The following IPO11 variants were observed in gnomAD, a reference collection of about 807,000 sequenced individuals.
The protein encoded by IPO11 is importin 11.
IPO11 carries 66 observed loss-of-function variants against 143.2 expected under a neutral mutation model. The observed-to-expected ratio is 0.46, with a 90% CI of 0.38 to 0.57. The LOEUF is 0.57. Ranked by LOEUF, IPO11 falls within the 20% of genes least tolerant of loss-of-function variation. The pLI, the probability that IPO11 is intolerant of heterozygous loss-of-function variation, is 0.00. For synonymous variants in IPO11, 385 were observed against 377.8 expected, an observed-to-expected ratio of 1.02 and a Z score of -0.22; for missense variants, 1,026 against 1,141.0, an observed-to-expected ratio of 0.90 and a Z score of 1.45.
chr5:62,595,483 G>GAACAGGCATTTTAAAATTTA (rs1217501313), intron 28 of IPO11, among the ~76,000 whole-genome samples: 39 of 152,114 alleles, frequency 2.6e-4, no homozygotes, highest in Admixed American at 5.2e-4. Flanking sequence ...ATAACATATT[G>GAACAGGCATTTTAAAATTTA]AACAGGCATT....
At chr5:62,476,446 A>G (rs944655352) in intron 8 of IPO11, among the ~76,000 whole-genome samples, 8 of 152,178 alleles carry the variant, frequency 5.3e-5, no homozygotes, top group African/African-American at 1.9e-4. Flanking sequence ...TAAAACGACT[A>G]TTCTTTTACT....
intron 27 of IPO11, among the ~76,000 whole-genome samples, chr5:62,583,522 AT>A (rs1304196200): frequency 1.3e-5 from 2 of 152,172 alleles, no homozygotes; most frequent in African/African-American, 4.8e-5. Context: ...ATTAATATCA[AT>A]TTATATATGG....
intron 3 of IPO11, among the ~76,000 whole-genome samples, chr5:62,446,691 A>C (rs1362206277): frequency 6.6e-6 from 1 of 152,188 alleles, no homozygotes; most frequent in Non-Finnish European, 1.5e-5. Context: ...CTCCTAGGCC[A>C]GGTGCAGTGG....
intron 22 of IPO11, among the ~76,000 whole-genome samples, chr5:62,534,547 C>T (rs1022084061): frequency 6.6e-6 from 1 of 152,148 alleles, no homozygotes; most frequent in African/African-American, 2.4e-5. Context: ...CATATATGCA[C>T]AGTGCATAAC....
chr5:62,560,854 T>C (rs1580325836), intron 26 of IPO11: 1 of 207,656 alleles, frequency 4.8e-6, no homozygotes. Context: ...TGTACCAGAT[T>C]GGCAGTGATT....
At chr5:62,537,410 T>C in intron 24 of IPO11, 121 bp downstream of exon 24, 1 of 644,526 alleles carries the variant, frequency 1.6e-6, no homozygotes, top group Non-Finnish European at 2.7e-6. Context: ...AGACAGGCTA[T>C]TTTGGCAGTT....
intron 19 of IPO11, among the ~76,000 whole-genome samples, chr5:62,508,173 C>G (rs566338029): frequency 6.5e-4 from 99 of 152,292 alleles, no homozygotes; most frequent in African/African-American, 2.3e-3. Context: ...CCCCCCCGGG[C>G]TGGAGTGCAG....
chr5:62,488,447 C>G (rs547086030), intron 13 of IPO11, among the ~76,000 whole-genome samples: 121 of 152,190 alleles, frequency 8.0e-4, no homozygotes, highest in Admixed American at 1.8e-3. Flanking sequence ...TTTTAGCAAC[C>G]GATTGAATGT....
intron 9 of IPO11, among the ~76,000 whole-genome samples, chr5:62,482,280 G>A (rs778396536): frequency 6.6e-5 from 10 of 151,954 alleles, no homozygotes; most frequent in Non-Finnish European, 1.0e-4. Flanking sequence ...TTGTGTCTCT[G>A]TCTCCTTCAG....
chr5:62,589,524 G>A (rs1281869730), intron 27 of IPO11, among the ~76,000 whole-genome samples: 3 of 152,128 alleles, frequency 2.0e-5, no homozygotes, highest in African/African-American at 7.2e-5. Context: ...GCCAAATCCT[G>A]TGATGCTTAC....
chr5:62,563,680 T>C (rs1234986194), intron 27 of IPO11, among the ~76,000 whole-genome samples: 2 of 152,176 alleles, frequency 1.3e-5, no homozygotes, highest in South Asian at 2.1e-4. Flanking sequence ...ATACACCTCA[T>C]ATAGTCTGAA....
intron 20 of IPO11, among the ~76,000 whole-genome samples, chr5:62,521,213 A>ATTC (rs1392751805): frequency 1.3e-5 from 2 of 152,170 alleles, no homozygotes; most frequent in African/African-American, 4.8e-5. Context: ...CTTGTTTTAC[A>ATTC]TTCTTTTTCT....
At chr5:62,597,969 G>A (rs747976542) in intron 28 of IPO11, among the ~76,000 whole-genome samples, 3 of 152,098 alleles carry the variant, frequency 2.0e-5, no homozygotes, top group Admixed American at 6.5e-5. Flanking sequence ...TCATCTGCAG[G>A]CTACCATTCC....
chr5:62,581,676 C>T (rs1055458178), intron 27 of IPO11, among the ~76,000 whole-genome samples: 1 of 152,102 alleles, frequency 6.6e-6, no homozygotes, highest in Admixed American at 6.6e-5. Flanking sequence ...TTGGGCCTCT[C>T]TGACTAGAGT....
At chr5:62,535,830 A>G (rs1417794372) in intron 22 of IPO11, among the ~76,000 whole-genome samples, 2 of 152,168 alleles carry the variant, frequency 1.3e-5, no homozygotes, top group East Asian at 3.8e-4. Flanking sequence ...AGTGAATATA[A>G]TTTCTAAAAT....
In IPO11 at chr5:62,483,131, T is replaced by C; in HGVS notation, c.859T>C (p.Ser287Pro). 1 of 1,604,672 alleles carries C rather than the reference T, an allele frequency of 6.2e-7. No individual in the cohort carries two copies. The highest frequency in any genetic ancestry group is 8.5e-7 in the Non-Finnish European group (1 of 1,175,588). The change falls in exon 10 of 30, where the codon TCA (serine) becomes CCA (proline). Residue 287 changes from serine to proline, a missense_variant. By Grantham distance (74) the Ser-to-Pro change is moderately conservative (BLOSUM62 -1). Around this residue, in one of 5 missense-constraint regions of IPO11, gnomAD observed 429 missense variants for 456.3 expected, o/e 0.94. Coordinates refer to ENST00000325324, the MANE Select transcript of IPO11 (RefSeq NM_016338.5). Reference sequence around the variant, plus strand: ...GGACTTCTTGGATCAGCATCCTTTTTCATTTACTCCTCTAATTCAGAGATC... The same window carrying C: ...GGACTTCTTGGATCAGCATCCTTTTCCATTTACTCCTCTAATTCAGAGATC... Reference protein sequence around the residue: ...LLDFLDQHPFSFTPLIQRSLE... With the variant: ...LLDFLDQHPFPFTPLIQRSLE...
intron 5 of IPO11, among the ~76,000 whole-genome samples, chr5:62,466,282 C>G (rs746941828): frequency 4.5e-4 from 69 of 152,150 alleles, no homozygotes; most frequent in Admixed American, 2.6e-4. Flanking sequence ...ATTAAAAATA[C>G]TTAAACTAAC....
intron 27 of IPO11, among the ~76,000 whole-genome samples, chr5:62,584,440 A>T (rs1173568845): frequency 1.3e-5 from 2 of 151,950 alleles, no homozygotes; most frequent in African/African-American, 4.8e-5. Context: ...TCTACCAAAA[A>T]TACCAAAAAT....
At chr5:62,606,263 T>A (rs1169921671) in intron 29 of IPO11, among the ~76,000 whole-genome samples, 2 of 146,264 alleles carry the variant, frequency 1.4e-5, no homozygotes, top group Non-Finnish European at 3.0e-5. Flanking sequence ...GGCAAATCGC[T>A]TGAGCCTAGG....
Sources: allele counts gnomAD v4.1 joint callset (sites outside exome capture counted in the v4.1 genomes callset), GRCh38; gene constraint gnomAD v4.1.1; regional missense constraint gnomAD v4.1.1; transcripts MANE v1.5; gene names NCBI Gene and HGNC (gene_info 2026-07-23, HGNC 2026-07-21).